The following MACO1 variants were observed in gnomAD, a reference collection of about 807,000 sequenced individuals.
MACO1 encodes the protein macoilin.
Under a neutral mutation model 78.7 loss-of-function variants are expected in MACO1, and 14 were observed. The ratio of observed to expected loss-of-function variants is 0.18; its 90% CI spans 0.12 to 0.28. The LOEUF (loss-of-function observed/expected upper bound fraction) is 0.28. MACO1 is among the 10% of genes least tolerant of loss of function. The probability of loss-of-function intolerance (pLI) is 1.00; values close to 1 mark genes in which losing one functional copy is unlikely to be tolerated. For synonymous variants in MACO1, 288 were observed against 291.6 expected (o/e 0.99, Z 0.12); for missense variants, 501 against 799.0 (o/e 0.63, Z 4.50).
chr1:25,465,287 G>T (rs569118433), intron 6 of MACO1, among the ~76,000 whole-genome samples: 1 of 152,144 alleles, frequency 6.6e-6, no homozygotes, highest in Non-Finnish European at 1.5e-5. Flanking sequence ...GTTTTGGGGT[G>T]GACATAAGTT....
chr1:25,478,605 C>G (rs1286574874), intron 6 of MACO1, among the ~76,000 whole-genome samples: 1 of 152,166 alleles, frequency 6.6e-6, no homozygotes, highest in African/African-American at 2.4e-5. Context: ...GGTCCCAACT[C>G]TTGCTGTGAG....
At chr1:25,482,278 A>G (rs1417268124) in intron 6 of MACO1, among the ~76,000 whole-genome samples, 1 of 152,210 alleles carries the variant, frequency 6.6e-6, no homozygotes, top group Non-Finnish European at 1.5e-5. Flanking sequence ...AAGAGATTTA[A>G]AAAATGAAAG....
chr1:25,458,190 G>A (rs1485840408), intron 5 of MACO1, among the ~76,000 whole-genome samples: 1 of 152,110 alleles, frequency 6.6e-6, no homozygotes, highest in African/African-American at 2.4e-5. Flanking sequence ...TTTCTCAAAT[G>A]TATTTGGATT....
At chr1:25,490,801 T>G (rs1272796748) in intron 9 of MACO1, among the ~76,000 whole-genome samples, 1 of 152,212 alleles carries the variant, frequency 6.6e-6, no homozygotes. Flanking sequence ...AATATTTCAC[T>G]TCTGCTAAAA....
chr1:25,435,392 C>A (rs1453073501), intron 1 of MACO1, among the ~76,000 whole-genome samples: 1 of 152,154 alleles, frequency 6.6e-6, no homozygotes, highest in Non-Finnish European at 1.5e-5. Flanking sequence ...GAGAAAAATT[C>A]TCTGGTCCTT....
chr1:25,480,951 T>A (rs1313539611), intron 6 of MACO1, among the ~76,000 whole-genome samples: 7,001 of 50,550 alleles, frequency 0.14, 1,078 homozygotes, highest in East Asian at 0.39. Flanking sequence ...TATATATATA[T>A]ATATATATAT....
At chr1:25,432,612 C>T (rs2124564337) in intron 1 of MACO1, among the ~76,000 whole-genome samples, 1 of 152,332 alleles carries the variant, frequency 6.6e-6, no homozygotes, top group East Asian at 1.9e-4. Context: ...AAGGTCTCTT[C>T]AATTCACGTT....
chr1:25,454,398 ATGTATG>A lies in MACO1; in HGVS notation c.473+20_473+25del. On this transcript the variant is annotated intron_variant, in intron 4 of 10. Transcript: ENST00000374343. ...CTGCTCACTGGTAAGTATTACATAA[ATGTATG>A]TGTGTGTGTGTGTATATGTGTGTAT... 2 of 1,528,992 alleles carry A rather than the reference ATGTATG, an allele frequency of 1.3e-6. No homozygotes were observed. The highest frequency in any genetic ancestry group is 1.8e-6 in the Non-Finnish European group (2 of 1,131,412). 94.7% of individuals were successfully genotyped at this position (1,528,992 alleles called of 1,614,324 possible).
intron 1 of MACO1, among the ~76,000 whole-genome samples, chr1:25,439,798 C>G (rs938305801): frequency 6.6e-5 from 10 of 151,596 alleles, no homozygotes; most frequent in African/African-American, 2.4e-4. Context: ...ACAGGTGGAT[C>G]ACTTGAGGTC....
intron 9 of MACO1, among the ~76,000 whole-genome samples, chr1:25,490,446 G>C (rs1055120333): frequency 6.6e-6 from 1 of 152,186 alleles, no homozygotes; most frequent in Admixed American, 6.5e-5. Flanking sequence ...ATTTTTAAAT[G>C]AGAATATCAA....
intron 6 of MACO1, among the ~76,000 whole-genome samples, chr1:25,464,348 T>A (rs1348539135): frequency 7.1e-5 from 10 of 139,948 alleles, no homozygotes; most frequent in Non-Finnish European, 1.5e-4. Context: ...CTTTTTTTTT[T>A]TTTTTTTTTT....
intron 1 of MACO1, among the ~76,000 whole-genome samples, chr1:25,443,105 C>T (rs2042986206): frequency 6.6e-6 from 1 of 152,164 alleles, no homozygotes; most frequent in South Asian, 2.1e-4. Context: ...CTTGGAATGT[C>T]ATCTCTTTAG....
At chr1:25,439,090 A>G (rs549189992) in intron 1 of MACO1, among the ~76,000 whole-genome samples, 8 of 152,300 alleles carry the variant, frequency 5.3e-5, no homozygotes, top group Admixed American at 5.2e-4. Context: ...TACCTTTTTA[A>G]TAACAAGTAT....
At chr1:25,453,513 A>G (rs2043086865) in intron 3 of MACO1, among the ~76,000 whole-genome samples, 1 of 151,028 alleles carries the variant, frequency 6.6e-6, no homozygotes, top group African/African-American at 2.4e-5. Context: ...AATACAAAAA[A>G]TTAGCCGGTC....
chr1:25,475,665 G>A (rs1035638966), intron 6 of MACO1, among the ~76,000 whole-genome samples: 2 of 152,034 alleles, frequency 1.3e-5, no homozygotes, highest in Non-Finnish European at 2.9e-5. Flanking sequence ...CAGTGAATGC[G>A]GAACAGAATG....
intron 8 of MACO1, among the ~76,000 whole-genome samples, chr1:25,487,143 CA>C (rs1478119845): frequency 1.3e-5 from 2 of 152,000 alleles, no homozygotes; most frequent in African/African-American, 4.8e-5. Context: ...CCTTGTTTTT[CA>C]TAACTTATTC....
At position 25,500,012 on chromosome 1, in the gene MACO1, C is replaced by A. The variant is rs1251578110; in HGVS notation, c.*1546C>A. ...TTTGAATCATCTTGTGTAATTGTCA[C>A]CATGAAAGTGTTACTCAGAATTGTC... On this transcript the variant is annotated 3_prime_UTR_variant, in exon 11 of 11. Coordinates refer to ENST00000374343, the MANE Select transcript of MACO1 (RefSeq NM_018202.6). The A allele has an allele frequency of 6.6e-6, 1 of 152,122 alleles. No homozygotes were observed. The highest frequency in any genetic ancestry group is 6.5e-5 in the Admixed American group (1 of 15,282). The allele number at this position is 152,122 out of a possible 1,614,324, so 9.4% of individuals were successfully genotyped here.
intron 1 of MACO1, among the ~76,000 whole-genome samples, chr1:25,433,001 A>C (rs1215832338): frequency 2.0e-5 from 3 of 152,158 alleles, no homozygotes; most frequent in African/African-American, 7.2e-5. Context: ...TTGAAATTTG[A>C]ATTTTCTTAC....
Position 25,475,609 on chromosome 1 carries a change from G to A in MACO1, c.1155-8507G>A, listed in dbSNP as rs570281966. 4.6e-5 allele frequency among the ~76,000 whole-genome samples: 7 copies of A among 151,900 alleles called. No homozygotes were observed. The East Asian group carries it at 9.7e-4, about 21-fold the overall frequency. On this transcript the variant is annotated intron_variant, in intron 6 of 10. Coordinates refer to ENST00000374343, the MANE Select transcript of MACO1 (RefSeq NM_018202.6). The stretch of plus-strand genomic sequence containing the variant: ...AGACTTGGATTTTCCCTAAGGTTTT[G>A]GGTTGTTCTGAAACTGCCCTGTTAC...
Sources: gnomAD v4.1 joint callset for allele counts (sites outside exome capture counted in the v4.1 genomes callset) on GRCh38, gnomAD v4.1.1 for gene constraint, MANE v1.5 for transcripts, NCBI Gene and HGNC (gene_info 2026-07-23, HGNC 2026-07-21) for gene names.